The following RPS6KC1 variants were observed in gnomAD, a reference collection of about 807,000 sequenced individuals.
RPS6KC1 encodes the protein inactive ribosomal protein S6 kinase delta-1.
A neutral mutation model predicts 103.8 loss-of-function variants in RPS6KC1; 54 were observed. The ratio of observed to expected loss-of-function variants is 0.52; its 90% confidence interval spans 0.42 to 0.65. The LOEUF is 0.65. Ranked by LOEUF, RPS6KC1 falls within the 30% of genes least tolerant of loss-of-function variation. The pLI is 0.00. For synonymous variants in RPS6KC1, 439 were observed against 438.7 expected, an observed-to-expected ratio of 1.00 and a Z score of -0.01; for missense variants, 1,151 against 1,253.8, an observed-to-expected ratio of 0.92 and a Z score of 1.24.
At chr1:213,853,257 G>A in the RPS6KC1 span, among the ~76,000 whole-genome samples, 1 of 152,194 alleles carries the variant, frequency 6.6e-6, no homozygotes, top group South Asian at 2.1e-4. Context: ...GGCCAGTGTG[G>A]TAACTACACC....
At chr1:213,196,347 G>T (rs115995713) in intron 8 of RPS6KC1, among the ~76,000 whole-genome samples, 1,751 of 151,960 alleles carry the variant, frequency 0.012, 33 homozygotes, top group African/African-American at 0.04. Flanking sequence ...TTTTCTTGCT[G>T]ATTTATTTGA....
At chr1:213,091,693 G>A (rs569923391) in intron 3 of RPS6KC1, among the ~76,000 whole-genome samples, 3 of 152,134 alleles carry the variant, frequency 2.0e-5, no homozygotes, top group Non-Finnish European at 4.4e-5. Flanking sequence ...AAATTTTAAA[G>A]TATTGGGAAG....
At chr1:213,201,914 T>C (rs1452119224) in intron 8 of RPS6KC1, among the ~76,000 whole-genome samples, 4 of 152,180 alleles carry the variant, frequency 2.6e-5, no homozygotes, top group Non-Finnish European at 5.9e-5. Flanking sequence ...GACAGCTGGC[T>C]AGCTATTCCA....
intron 14 of RPS6KC1, among the ~76,000 whole-genome samples, chr1:213,269,891 A>G (rs1446246144): frequency 1.3e-5 from 2 of 151,804 alleles, no homozygotes; most frequent in African/African-American, 2.4e-5. Context: ...CTCTAAATTT[A>G]AAAAAGAAAG....
Position 213,242,024 on chromosome 1 carries a change from A to G in RPS6KC1, c.2548A>G (p.Thr850Ala). The G allele has an allele frequency of 1.2e-6, 2 of 1,614,082 alleles. No homozygotes were observed. The highest frequency in any genetic ancestry group is 2.2e-5 in the East Asian group (1 of 44,888). Residue 850 changes from threonine to alanine, a missense_variant, in exon 11 of 15, where the codon ACT becomes GCT. Thr to Ala is a moderately conservative substitution (Grantham distance 58). Around this residue, in one of 3 missense-constraint regions of RPS6KC1, gnomAD observed 959 missense variants for 1,006.3 expected, o/e 0.95. Coordinates refer to ENST00000366960, the MANE Select transcript of RPS6KC1 (RefSeq NM_012424.6). ...TEEVLLFTDQ[T>A]DDLAKEEPTS... The stretch of plus-strand genomic sequence containing the variant: ...AGAAGTATTGCTGTTTACAGATCAG[A>G]CTGATGATTTGGCTAAAGAGGAACC...
chr1:213,528,892 G>A, the RPS6KC1 span, among the ~76,000 whole-genome samples: 36 of 152,196 alleles, frequency 2.4e-4, no homozygotes, highest in South Asian at 4.1e-4. Context: ...CACTTCAGAA[G>A]TCTTCTGGAA....
At chr1:213,709,423 A>C in the RPS6KC1 span, among the ~76,000 whole-genome samples, 1 of 152,034 alleles carries the variant, frequency 6.6e-6, no homozygotes, top group Admixed American at 6.6e-5. Context: ...TATTGTGTCT[A>C]TTTGATTCTT....
the RPS6KC1 span, among the ~76,000 whole-genome samples, chr1:213,562,285 A>G: frequency 1.4e-5 from 2 of 147,868 alleles, no homozygotes; most frequent in African/African-American, 5.0e-5. Flanking sequence ...GCAGCCCAGC[A>G]TATGATCAAG....
intron 8 of RPS6KC1, among the ~76,000 whole-genome samples, chr1:213,199,287 A>G (rs2093064025): frequency 1.3e-5 from 2 of 152,226 alleles, no homozygotes; most frequent in Admixed American, 1.3e-4. Flanking sequence ...TAAAAAGCTT[A>G]TCCACCACGA....
At position 213,241,796 on chromosome 1, in the gene RPS6KC1, A is replaced by G. The variant is rs906168658; in HGVS notation, c.2320A>G (p.Arg774Gly). The G allele has an allele frequency of 4.3e-6, 7 of 1,613,898 alleles. No individual in the cohort carries two copies. Among genetic ancestry groups the G allele is most frequent in the Non-Finnish European group, 5.9e-6 (7 of 1,179,962 alleles). The change falls in exon 11 of 15, where the codon AGG becomes GGG. Residue 774 changes from arginine to glycine, a missense_variant. Physicochemically the swap from Arg to Gly is moderately radical, Grantham distance 125. Coordinates refer to ENST00000366960, the MANE Select transcript of RPS6KC1 (RefSeq NM_012424.6). ...TEKHYAQEDP[R>G]MLFVAAVDHS... The stretch of plus-strand genomic sequence containing the variant: ...GAAACACTATGCACAGGAGGATCCC[A>G]GGATGTTATTTGTAGCAGCTGTTGA...
intron 6 of RPS6KC1, 121 bp from the exon 7 acceptor site, chr1:213,167,737 T>A: frequency 2.0e-6 from 1 of 509,364 alleles, no homozygotes; most frequent in East Asian, 3.2e-5. Context: ...TTTTCCAATT[T>A]TGAATATCTC....
the RPS6KC1 span, among the ~76,000 whole-genome samples, chr1:213,697,535 G>C: frequency 6.6e-6 from 1 of 152,310 alleles, no homozygotes. Flanking sequence ...ATGTACTTCA[G>C]ATTGCATCAT....
At chr1:213,428,114 A>G in the RPS6KC1 span, among the ~76,000 whole-genome samples, 2 of 152,162 alleles carry the variant, frequency 1.3e-5, no homozygotes, top group African/African-American at 4.8e-5. Flanking sequence ...GGGAGGAACT[A>G]CAGAAGACCA....
the RPS6KC1 span, among the ~76,000 whole-genome samples, chr1:213,315,466 G>C: frequency 6.6e-6 from 1 of 152,182 alleles, no homozygotes; most frequent in African/African-American, 2.4e-5. Context: ...TAAAACTGAT[G>C]TATTTATCAC....
chr1:213,431,732 G>A, the RPS6KC1 span, among the ~76,000 whole-genome samples: 1 of 151,458 alleles, frequency 6.6e-6, no homozygotes, highest in African/African-American at 2.4e-5. Flanking sequence ...AGTTGTTTTT[G>A]AGTTTTTGGC....
At chr1:213,749,117 C>T in the RPS6KC1 span, among the ~76,000 whole-genome samples, 2 of 152,144 alleles carry the variant, frequency 1.3e-5, no homozygotes, top group Non-Finnish European at 2.9e-5. Flanking sequence ...TCCACATAAT[C>T]AATTTATTCA....
the RPS6KC1 span, among the ~76,000 whole-genome samples, chr1:213,375,603 G>A: frequency 2.0e-5 from 3 of 152,130 alleles, no homozygotes; most frequent in African/African-American, 4.8e-5. Context: ...GGGCATTTGA[G>A]GGAGCACATA....
chr1:213,353,965 C>G, the RPS6KC1 span, among the ~76,000 whole-genome samples: 1 of 152,222 alleles, frequency 6.6e-6, no homozygotes, highest in Non-Finnish European at 1.5e-5. Context: ...CCTTTGTTAG[C>G]TGCTGCTCAG....
chr1:213,413,408 C>G, the RPS6KC1 span, among the ~76,000 whole-genome samples: 1 of 152,202 alleles, frequency 6.6e-6, no homozygotes, highest in Non-Finnish European at 1.5e-5. Context: ...TTATCTCACA[C>G]AATTTCTAGG....
Sources: allele counts gnomAD v4.1 joint callset (sites outside exome capture counted in the v4.1 genomes callset), GRCh38; gene constraint gnomAD v4.1.1; regional missense constraint gnomAD v4.1.1; transcripts MANE v1.5; gene names NCBI Gene and HGNC (gene_info 2026-07-23, HGNC 2026-07-21).